Variants in PSG9 observed in about 807,000 individuals in gnomAD.
The protein encoded by PSG9 is pregnancy-specific beta-1-glycoprotein 9.
In PSG9, 49 loss-of-function variants were observed where a neutral mutation model predicts 41.9. That is an observed-to-expected ratio of 1.17 (90% confidence interval 0.93 to 1.48). The LOEUF is 1.48. Among genes scored for constraint, PSG9 ranks in the 40% most tolerant of loss-of-function variants. PSG9 has a pLI of 0.00. For missense variants in PSG9, 641 were observed against 520.3 expected, an observed-to-expected ratio of 1.23 and a Z score of -2.26; for synonymous variants, 263 against 196.8, an observed-to-expected ratio of 1.34 and a Z score of -2.82.
rs1415871631 is a variant in PSG9 at position 43,268,011 on chromosome 19, T to A, written c.203A>T (p.Tyr68Phe). The part of the protein sequence containing the change: ...LPQNLPGYFW[Y>F]KGEMTDLYHY... ...GTAGAGGTCCGTCATTTCCCCTTTGTACCAGAAGTAGCCAGGAAGATTCTG... is the reference window on the plus strand; with the variant it reads ...GTAGAGGTCCGTCATTTCCCCTTTGAACCAGAAGTAGCCAGGAAGATTCTG... The change falls in exon 2 of 6, where the codon TAC (tyrosine) becomes TTC (phenylalanine). Residue 68 changes from tyrosine to phenylalanine, a missense_variant. By Grantham distance (22) the Tyr-to-Phe change is conservative (BLOSUM62 3). Transcript: ENST00000270077. 6.2e-7 allele frequency: 1 copy of A among 1,613,918 alleles called. No homozygotes were observed. The highest frequency in any genetic ancestry group is 8.5e-7 in the Non-Finnish European group (1 of 1,179,898).
Position 43,258,255 on chromosome 19 carries a change from T to G in PSG9, c.1190A>C (p.His397Pro), listed in dbSNP as rs2072285. 1.3e-6 allele frequency: 2 copies of G among 1,593,044 alleles called. No individual in the cohort carries two copies. The highest frequency in any genetic ancestry group is 1.7e-6 in the Non-Finnish European group (2 of 1,174,550). The change falls in exon 5 of 6, where the codon CAT becomes CCT. Residue 397 changes from histidine to proline, a missense_variant. Physicochemically the swap from His to Pro is moderately conservative, Grantham distance 77. Coordinates refer to ENST00000270077, the MANE Select transcript of PSG9 (RefSeq NM_002784.5). ...NHSGLYACSVHNSATGKEISK... is the reference protein window; with the variant it reads ...NHSGLYACSVPNSATGKEISK... The stretch of plus-strand genomic sequence containing the variant: ...GATTTCCTTGCCAGTGGCTGAGTTA[T>G]GAACAGAGCAAGCATAGAGCCCGCT...
intron 4 of PSG9, 139 bp from the exon 5 acceptor site, chr19:43,258,595 C>T: frequency 2.1e-6 from 3 of 1,417,906 alleles, no homozygotes; most frequent in Non-Finnish European, 2.8e-6. Flanking sequence ...GTTCACTGAG[C>T]TGAAGCCTGA....
At position 43,258,230 on chromosome 19, in the gene PSG9, G is replaced by C; in HGVS notation, c.1215C>G (p.Ile405Met). Reference sequence around the variant, plus strand: ...AGACTTTGACTGTCATGGATTTGGAGATTTCCTTGCCAGTGGCTGAGTTAT... The same window carrying C: ...AGACTTTGACTGTCATGGATTTGGACATTTCCTTGCCAGTGGCTGAGTTAT... ...SVHNSATGKE[I>M]SKSMTVKVSG... Residue 405 changes from isoleucine (I) to methionine (M), a missense_variant, in exon 5 of 6, where the codon ATC becomes ATG. By Grantham distance (10) the Ile-to-Met change is conservative. Coordinates refer to ENST00000270077, the MANE Select transcript of PSG9 (RefSeq NM_002784.5). The C allele has an allele frequency of 1.3e-6, 2 of 1,592,936 alleles. No individual in the cohort carries two copies. The highest frequency in any genetic ancestry group is 1.7e-6 in the Non-Finnish European group (2 of 1,174,514).
At position 43,268,139 on chromosome 19, in the gene PSG9, T is replaced by G. The variant is rs376802863; in HGVS notation, c.75A>C (p.Leu25Phe). 21 of 1,604,526 alleles carry G rather than the reference T, an allele frequency of 1.3e-5. No individual in the cohort carries two copies. The Admixed American group carries it at 2.5e-4, about 19-fold the overall frequency. ...CAGTGGTGGGCGGGTTCCAGAAGTT[T>G]AAAAGTGATGCTAGGAGGGGGAGAC... ...WKGLLLTASL[L>F]NFWNPPTTAE... Residue 25 changes from leucine to phenylalanine, a missense_variant, in exon 2 of 6, where the codon TTA becomes TTC. Coordinates refer to ENST00000270077, the MANE Select transcript of PSG9 (RefSeq NM_002784.5).
intron 3 of PSG9, 51 bp downstream of exon 3, chr19:43,261,809 A>T: frequency 6.2e-7 from 1 of 1,614,018 alleles, no homozygotes; most frequent in Non-Finnish European, 8.5e-7. Context: ...GCCTCTGGCC[A>T]TGTGTATTTG....
Position 43,254,942 on chromosome 19 carries a change from T to A in PSG9, c.1244-1296A>T, listed in dbSNP as rs570670569. On this transcript the variant is annotated intron_variant, in intron 5 of 5. Transcript: ENST00000270077. ...GTCTCTACAAAAAAATAAAAAAAAA[T>A]TAGCTGGGCATGGTGACATGCACCT... is the stretch of plus-strand genomic sequence containing the variant. Among the ~76,000 whole-genome samples the A allele has an allele frequency of 2.1e-5, 3 of 143,050 alleles. No individual in the cohort carries two copies. The South Asian group carries it at 6.7e-4, about 32-fold the overall frequency. The allele number at this position is 143,050 out of a possible 152,430, so 93.8% of individuals were successfully genotyped here.
In PSG9 at chr19:43,260,142, G is replaced by A. The variant is rs570650650; in HGVS notation, c.710-1007C>T. On this transcript the variant is annotated intron_variant, in intron 3 of 5. Coordinates refer to ENST00000270077, the MANE Select transcript of PSG9 (RefSeq NM_002784.5). ...AGGGACCTCATGTAAGTGGATTCCA[G>A]AGTGAATATGAGAAGAGACTGCTGG... 20 of 147,086 alleles carry A rather than the reference G, an allele frequency of 1.4e-4. 5 individuals carry two copies. The East Asian group carries it at 4.5e-3, about 33-fold the overall frequency. 9.1% of individuals were successfully genotyped at this position (147,086 alleles called of 1,614,324 possible).
intron 2 of PSG9, among the ~76,000 whole-genome samples, chr19:43,262,850 C>T (rs980434893): frequency 1.7e-4 from 26 of 152,150 alleles, no homozygotes; most frequent in Non-Finnish European, 5.9e-5. Context: ...TGATAGCTTT[C>T]GACCAAGACC....
At position 43,262,087 on chromosome 19, in the gene PSG9, G is replaced by T. The variant is rs780251822; in HGVS notation, c.482C>A (p.Ala161Asp). 1.2e-6 allele frequency: 2 copies of T among 1,613,940 alleles called. No homozygotes were observed. Among genetic ancestry groups the T allele is most frequent in the Non-Finnish European group, 1.7e-6 (2 of 1,179,878 alleles). ...ACAGATTAAGCGCACAGCCTCCATG[G>T]CCTCCCTGGGGTTTAAGTTGCTGCT... is the stretch of plus-strand genomic sequence containing the variant. ...ISSSNLNPRE[A>D]MEAVRLICDP... Residue 161 changes from alanine (A) to aspartate (D), a missense_variant, in exon 3 of 6, where the codon GCC becomes GAC. By Grantham distance (126) the Ala-to-Asp change is moderately radical (BLOSUM62 -2). Transcript: ENST00000270077.
Position 43,267,972 on chromosome 19 carries a change from G to A in PSG9, c.242C>T (p.Ser81Leu), listed in dbSNP as rs533862888. 3.0e-5 allele frequency: 49 copies of A among 1,613,562 alleles called. No homozygotes were observed. The highest frequency in any genetic ancestry group is 1.2e-4 in the Admixed American group (7 of 59,990). The change falls in exon 2 of 6, where the codon TCG (serine) becomes TTG (leucine). Residue 81 changes from serine to leucine, a missense_variant. Ser to Leu is a moderately radical substitution (Grantham distance 145, BLOSUM62 -2). Transcript: ENST00000270077. ...EMTDLYHYII[S>L]YIVDGKIIIY... ...AATTATTTTACCATCAACTATATAC[G>A]ATATAATGTAATGGTAGAGGTCCGT...
At chr19:43,265,077 T>G (rs1968903825) in intron 2 of PSG9, among the ~76,000 whole-genome samples, 1 of 148,412 alleles carries the variant, frequency 6.7e-6, no homozygotes, top group Non-Finnish European at 1.5e-5. Context: ...CTGTCCTCAC[T>G]CATTCCTGGA....
intron 3 of PSG9, among the ~76,000 whole-genome samples, chr19:43,261,151 C>T (rs981322428): frequency 2.6e-5 from 4 of 152,118 alleles, no homozygotes; most frequent in South Asian, 2.1e-4. Context: ...TGTTCCCTGA[C>T]AGCTAGATAG....
Position 43,258,813 on chromosome 19 carries a change from C to G in PSG9, c.988+44G>C, listed in dbSNP as rs200612606. ...GAGGCCTGGCATCTGGTCGTTTGGACTTAAGCTGGTGTCCTGGCCCACAGA... is the reference window on the plus strand; with the variant it reads ...GAGGCCTGGCATCTGGTCGTTTGGAGTTAAGCTGGTGTCCTGGCCCACAGA... On this transcript the variant is annotated intron_variant, in intron 4 of 5. Transcript: ENST00000270077. 1.5e-3 allele frequency: 2,351 copies of G among 1,575,596 alleles called. 200 individuals carry two copies. In the African/African-American group the frequency reaches 0.019, roughly 13 times the overall value.
chr19:43,257,558 C>T (rs1320131857), intron 5 of PSG9: 4 of 981,810 alleles, frequency 4.1e-6, no homozygotes, highest in Admixed American at 6.0e-5. Context: ...CCTGAGGCTC[C>T]CTCTCTTCTT....
chr19:43,258,069 A>C, intron 5 of PSG9, 133 bp downstream of exon 5: 1 of 1,587,712 alleles, frequency 6.3e-7, no homozygotes, highest in Non-Finnish European at 8.5e-7. Context: ...GGGAGGGTTC[A>C]GGAGGAGAAT....
chr19:43,254,541 A>C, intron 5 of PSG9, among the ~76,000 whole-genome samples: 1 of 146,388 alleles, frequency 6.8e-6, no homozygotes, highest in Non-Finnish European at 1.5e-5. Context: ...ACATTAAAAA[A>C]GAAGAAAGAT....
chr19:43,256,476 C>A (rs1276658287), intron 5 of PSG9, among the ~76,000 whole-genome samples: 2 of 146,560 alleles, frequency 1.4e-5, no homozygotes, highest in Non-Finnish European at 3.0e-5. Context: ...ACATGAAAAG[C>A]TACAAGTCAA....
chr19:43,263,663 C>T (rs1017282194), intron 2 of PSG9, among the ~76,000 whole-genome samples: 21 of 151,774 alleles, frequency 1.4e-4, no homozygotes, highest in African/African-American at 4.4e-4. Flanking sequence ...ATGGTCCAAA[C>T]ATCTAAGATC....
Position 43,269,350 on chromosome 19 carries a change from A to G in PSG9, c.64+18T>C, listed in dbSNP as rs371768798. On this transcript the variant is annotated intron_variant, in intron 1 of 5. Transcript: ENST00000270077. Reference sequence around the variant, plus strand: ...CCGCTTCCTCCCCCTGTCCTCTCCCAGGAAGTTCTCTCCTCACCTGTGAGC... The same window carrying G: ...CCGCTTCCTCCCCCTGTCCTCTCCCGGGAAGTTCTCTCCTCACCTGTGAGC... 1.2e-6 allele frequency: 2 copies of G among 1,613,292 alleles called. No homozygotes were observed. Among genetic ancestry groups the G allele is most frequent in the Non-Finnish European group, 1.7e-6 (2 of 1,179,552 alleles).
Sources: gnomAD v4.1 joint callset for allele counts (sites outside exome capture counted in the v4.1 genomes callset) on GRCh38, gnomAD v4.1.1 for gene constraint, MANE v1.5 for transcripts, NCBI Gene and HGNC (gene_info 2026-07-23, HGNC 2026-07-21) for gene names.